TRIM64B: variants seen among roughly 807,000 people sequenced by gnomAD.
TRIM64B encodes the protein tripartite motif containing 64B, also known as tripartite motif-containing protein 64B.
For synonymous variants in TRIM64B, 17 were observed against 190.3 expected, an observed-to-expected ratio of 0.09 and a Z score of 7.50; for missense variants, 57 against 536.4, an observed-to-expected ratio of 0.11 and a Z score of 8.83.
chr11:89,872,593 G>A lies in TRIM64B; in HGVS notation c.759-281C>T, dbSNP rs543481824. Among the ~76,000 whole-genome samples, 313 of 151,916 alleles carry A rather than the reference G, an allele frequency of 2.1e-3. 16 individuals are homozygous for A. Among genetic ancestry groups the A allele is most frequent in the African/African-American group, 7.2e-3 (298 of 41,164 alleles). ...CCTCCCTCTGCCCATCACACCCCTT[G>A]AGGGTATGCAGAAATCCTGGAAATA... On this transcript the variant is annotated intron_variant, in intron 4 of 5. Coordinates refer to ENST00000329862, the Ensembl canonical transcript of TRIM64B.
upstream of TRIM64B, among the ~76,000 whole-genome samples, chr11:89,876,519 G>T (rs1256811946): frequency 1.3e-5 from 2 of 149,516 alleles, no homozygotes; most frequent in African/African-American, 4.8e-5. Flanking sequence ...TCAGGAGATC[G>T]AGACCATCCT....
chr11:89,872,909 C>G (rs1168760893), intron 4 of TRIM64B, among the ~76,000 whole-genome samples: 1 of 150,174 alleles, frequency 6.7e-6, no homozygotes, highest in African/African-American at 2.5e-5. Flanking sequence ...GGGAATCTCT[C>G]TCCTCCCTCT....
exon 3 of TRIM64B, chr11:89,874,225 T>A (rs1227974429): frequency 6.6e-7 from 1 of 1,514,954 alleles, no homozygotes; most frequent in East Asian, 2.6e-5. Flanking sequence ...TCGAGAAATA[T>A]AGGCATCTTT....
At chr11:89,876,435 CAT>C (rs1304745344), upstream of TRIM64B, among the ~76,000 whole-genome samples, 3 of 149,348 alleles carry the variant, frequency 2.0e-5, no homozygotes, top group Non-Finnish European at 3.0e-5. Context: ...AAAATATGTA[CAT>C]GTTTGGCAGG....
At chr11:89,873,039 C>T (rs1296587633) in intron 4 of TRIM64B, among the ~76,000 whole-genome samples, 10 of 151,468 alleles carry the variant, frequency 6.6e-5, no homozygotes, top group Non-Finnish European at 1.0e-4. Flanking sequence ...GACGGATGGA[C>T]TGGGAAGAAC....
chr11:89,874,346 A>G lies in TRIM64B; in HGVS notation c.505-67T>C, dbSNP rs1187066208. 2.3e-5 allele frequency: 21 copies of G among 930,866 alleles called. 2 individuals carry two copies. In the East Asian group the frequency reaches 5.0e-4, roughly 22 times the overall value. The allele number at this position is 930,866 out of a possible 1,614,324, so 57.7% of individuals were successfully genotyped here. ...TCAATAGAAAACTTCAAATAATTATATGCTGGGTGTAATCAAGCAACTTAT... is the reference window on the plus strand; with the variant it reads ...TCAATAGAAAACTTCAAATAATTATGTGCTGGGTGTAATCAAGCAACTTAT... On this transcript the variant is annotated intron_variant, in intron 2 of 5. Transcript: ENST00000329862.
In TRIM64B at chr11:89,872,870, G is replaced by T. The variant is rs150534749; in HGVS notation, c.758+398C>A. Among the ~76,000 whole-genome samples the T allele has an allele frequency of 1.9e-3, 295 of 151,446 alleles. 10 individuals are homozygous for T. Among genetic ancestry groups the T allele is most frequent in the African/African-American group, 6.8e-3 (280 of 40,956 alleles). On this transcript the variant is annotated intron_variant, in intron 4 of 5. Transcript: ENST00000329862. The stretch of plus-strand genomic sequence containing the variant: ...GCCCGGGTCATTGATGCTTTTAGGA[G>T]CAAAACATCCCTCCTCAGCCCATCC...
At chr11:89,872,527 C>T in intron 4 of TRIM64B, among the ~76,000 whole-genome samples, 1 of 151,770 alleles carries the variant, frequency 6.6e-6, no homozygotes, top group Non-Finnish European at 1.5e-5. Flanking sequence ...ATACGTTATT[C>T]TCAGACATTA....
chr11:89,875,139 A>G (rs1322748224), intron 1 of TRIM64B, 66 bp from the exon 3 acceptor site: 2 of 1,434,368 alleles, frequency 1.4e-6, no homozygotes, highest in East Asian at 2.6e-5. Context: ...CCCTTATCTT[A>G]AAAAAAAAGG....
At chr11:89,877,742 C>T (rs1347430390), upstream of TRIM64B, among the ~76,000 whole-genome samples, 1 of 149,440 alleles carries the variant, frequency 6.7e-6, no homozygotes, top group African/African-American at 2.4e-5. Flanking sequence ...GCCGCAGCCT[C>T]CTGAGTAGCT....
At chr11:89,876,582 C>T (rs1590887274), upstream of TRIM64B, among the ~76,000 whole-genome samples, 1 of 149,546 alleles carries the variant, frequency 6.7e-6, no homozygotes, top group Non-Finnish European at 1.5e-5. Flanking sequence ...ATTAGCAGGG[C>T]GTGGTGGTAC....
upstream of TRIM64B, among the ~76,000 whole-genome samples, chr11:89,876,831 A>G (rs1950168284): frequency 6.7e-6 from 1 of 149,334 alleles, no homozygotes; most frequent in Admixed American, 6.7e-5. Context: ...TACGAATATG[A>G]ACAACGAACA....
chr11:89,875,803 T>G, exon 1 of TRIM64B: 1 of 1,540,296 alleles, frequency 6.5e-7, no homozygotes, highest in Middle Eastern at 2.0e-4. Flanking sequence ...GGAAGACAGC[T>G]TTTTGAGTAC....
intron 5 of TRIM64B, among the ~76,000 whole-genome samples, chr11:89,871,346 T>A (rs1202829929): frequency 1.2e-4 from 19 of 152,222 alleles, no homozygotes; most frequent in Non-Finnish European, 2.4e-4. Context: ...ACAGGGGAAA[T>A]AATGATTTAA....
intron 1 of TRIM64B, 132 bp downstream of exon 2, chr11:89,875,478 C>T (rs521383): frequency 0.058 from 73,696 of 1,280,168 alleles, 765 homozygotes; most frequent in East Asian, 0.25. Context: ...AGGACACATT[C>T]ATGTGTTATG....
Position 89,874,029 on chromosome 11 carries a change from G to C in TRIM64B, c.735+20C>G, listed in dbSNP as rs1446810777. ...CCAGCAAAGGCTTCCTGTCTCTGAG[G>C]ATGGACCCTCCCTCCTCACCTGGAG... On this transcript the variant is annotated intron_variant, in intron 3 of 5. Transcript: ENST00000329862. 6.5e-7 allele frequency: 1 copy of C among 1,548,950 alleles called. No individual in the cohort carries two copies. The highest frequency in any genetic ancestry group is 1.4e-5 in the African/African-American group (1 of 72,596).
upstream of TRIM64B, among the ~76,000 whole-genome samples, chr11:89,877,054 A>G (rs1445315421): frequency 7.1e-6 from 1 of 141,588 alleles, no homozygotes; most frequent in African/African-American, 2.5e-5. Context: ...TCTCTCAATA[A>G]TTCCATGATG....
chr11:89,876,952 G>A (rs1195177004), upstream of TRIM64B, among the ~76,000 whole-genome samples: 61 of 148,154 alleles, frequency 4.1e-4, no homozygotes, highest in African/African-American at 1.5e-3. Flanking sequence ...CCTGGGTGGA[G>A]GGTAAAAGCT....
intron 5 of TRIM64B, among the ~76,000 whole-genome samples, chr11:89,871,688 G>A (rs1262391020): frequency 2.6e-5 from 3 of 116,208 alleles, no homozygotes; most frequent in African/African-American, 6.5e-5. Context: ...TGGTTAAGCC[G>A]TGTTCACAGA....
Sources: gnomAD v4.1 joint callset for allele counts (sites outside exome capture counted in the v4.1 genomes callset) on GRCh38, gnomAD v4.1.1 for gene constraint, MANE v1.5 for transcripts, NCBI Gene and HGNC (gene_info 2026-07-23, HGNC 2026-07-21) for gene names.